The following CLYBL variants were observed in gnomAD, a reference collection of about 807,000 sequenced individuals.
CLYBL encodes the protein citramalyl-CoA lyase.
In CLYBL, 31 loss-of-function variants were observed where a neutral mutation model predicts 38.9. The ratio of observed to expected loss-of-function variants is 0.80; its 90% CI spans 0.60 to 1.08. CLYBL has a LOEUF of 1.08. Among genes scored for constraint, CLYBL ranks in the 50% least tolerant of loss-of-function variants. The pLI is 0.00. For synonymous variants in CLYBL, 171 were observed against 158.6 expected, an observed-to-expected ratio of 1.08 and a Z score of -0.59; for missense variants, 434 against 411.6, an observed-to-expected ratio of 1.05 and a Z score of -0.47.
chr13:99,691,449 G>T (rs2047900843), intron 1 of CLYBL, among the ~76,000 whole-genome samples: 1 of 152,058 alleles, frequency 6.6e-6, no homozygotes, highest in Non-Finnish European at 1.5e-5. Context: ...CTCTGTTGGT[G>T]CTCCCCAAAG....
Position 99,890,894 on chromosome 13 carries a change from A to G in CLYBL, c.928-424A>G, listed in dbSNP as rs549918730. Among the ~76,000 whole-genome samples, 16 of 152,300 alleles carry G rather than the reference A, an allele frequency of 1.1e-4. No individual in the cohort carries two copies. The South Asian group carries it at 3.3e-3, about 32-fold the overall frequency. Reference sequence around the variant, plus strand: ...GTTACCTCTCAATTATGTTACAGCAAGGAGGTAAGATTTTGCCATTAGCCT... The same window carrying G: ...GTTACCTCTCAATTATGTTACAGCAGGGAGGTAAGATTTTGCCATTAGCCT... On this transcript the variant is annotated intron_variant, in intron 7 of 8. Transcript: ENST00000339105.
chr13:99,700,096 G>A (rs538207286), intron 1 of CLYBL, among the ~76,000 whole-genome samples: 2 of 152,258 alleles, frequency 1.3e-5, no homozygotes, highest in African/African-American at 4.8e-5. Context: ...ACAGGCATTA[G>A]CATTCCCATT....
At chr13:99,667,225 C>G (rs1594109445) in intron 1 of CLYBL, among the ~76,000 whole-genome samples, 1 of 152,076 alleles carries the variant, frequency 6.6e-6, no homozygotes, top group Non-Finnish European at 1.5e-5. Flanking sequence ...ACAACAGATT[C>G]TCCACAGAAA....
chr13:99,619,193 G>A (rs2046758078), intron 1 of CLYBL, among the ~76,000 whole-genome samples: 1 of 152,180 alleles, frequency 6.6e-6, no homozygotes, highest in Admixed American at 6.5e-5. Flanking sequence ...GTAGGAAGTG[G>A]TTAAGTCATG....
At chr13:99,801,122 C>G (rs1229046027) in intron 2 of CLYBL, among the ~76,000 whole-genome samples, 2 of 152,138 alleles carry the variant, frequency 1.3e-5, no homozygotes, top group Non-Finnish European at 2.9e-5. Flanking sequence ...TTGAGCTGCT[C>G]TTGGCAACTG....
At chr13:99,839,903 T>C (rs528814229) in intron 2 of CLYBL, among the ~76,000 whole-genome samples, 2 of 152,242 alleles carry the variant, frequency 1.3e-5, no homozygotes, top group Non-Finnish European at 2.9e-5. Flanking sequence ...TATCAAATAC[T>C]TGGTCTTATT....
At chr13:99,724,599 C>T (rs150218701) in intron 1 of CLYBL, among the ~76,000 whole-genome samples, 1 of 152,142 alleles carries the variant, frequency 6.6e-6, no homozygotes, top group East Asian at 1.9e-4. Flanking sequence ...AAGAAACCAG[C>T]TCCTCTCTGC....
chr13:99,745,316 C>T (rs1240849643), intron 1 of CLYBL, among the ~76,000 whole-genome samples: 1 of 152,126 alleles, frequency 6.6e-6, no homozygotes, highest in African/African-American at 2.4e-5. Context: ...AAGTGTTACT[C>T]TCTGAATTTG....
chr13:99,708,059 C>T (rs1385445698), intron 1 of CLYBL, among the ~76,000 whole-genome samples: 1 of 152,194 alleles, frequency 6.6e-6, no homozygotes, highest in Non-Finnish European at 1.5e-5. Context: ...TCTCAGCTCA[C>T]TGCAACTTCC....
At chr13:99,856,734 G>C (rs981728560) in intron 2 of CLYBL, among the ~76,000 whole-genome samples, 1 of 152,014 alleles carries the variant, frequency 6.6e-6, no homozygotes, top group African/African-American at 2.4e-5. Flanking sequence ...TACCTCCTGG[G>C]TTCAAACGAT....
intron 1 of CLYBL, among the ~76,000 whole-genome samples, chr13:99,629,244 C>A (rs554174148): frequency 6.6e-6 from 1 of 152,336 alleles, no homozygotes; most frequent in Non-Finnish European, 1.5e-5. Flanking sequence ...TTTCTGTTCA[C>A]CATCCTAAGA....
chr13:99,800,878 T>TAAA (rs1181483044), intron 2 of CLYBL, among the ~76,000 whole-genome samples: 1 of 127,006 alleles, frequency 7.9e-6, no homozygotes, highest in African/African-American at 3.1e-5. Flanking sequence ...TGTCTCAAAT[T>TAAA]AAAAAACAAC....
At chr13:99,608,348 A>G (rs1297245563) in intron 1 of CLYBL, among the ~76,000 whole-genome samples, 1 of 150,314 alleles carries the variant, frequency 6.7e-6, no homozygotes, top group African/African-American at 2.5e-5. Flanking sequence ...GTTGGGATTA[A>G]AGGCGTGAGC....
intron 1 of CLYBL, among the ~76,000 whole-genome samples, chr13:99,685,383 A>T (rs1037362390): frequency 6.6e-6 from 1 of 152,352 alleles, no homozygotes; most frequent in Non-Finnish European, 1.5e-5. Flanking sequence ...AGAAAAGCCA[A>T]TGTTTCAACA....
At chr13:99,864,691 G>A (rs569741150) in intron 4 of CLYBL, 127 bp from the exon 5 acceptor site, 28 of 683,120 alleles carry the variant, frequency 4.1e-5, no homozygotes, top group East Asian at 2.5e-4. Flanking sequence ...TTTGGGCTGC[G>A]TTTTTAGGAC....
In CLYBL at chr13:99,881,806, C is replaced by T. The variant is rs571092726; in HGVS notation, c.928-9512C>T. 1.1e-4 allele frequency among the ~76,000 whole-genome samples: 17 copies of T among 152,246 alleles called. No homozygotes were observed. The South Asian group carries it at 2.1e-3, about 19-fold the overall frequency. On this transcript the variant is annotated intron_variant, in intron 7 of 8. Transcript: ENST00000339105. Reference sequence around the variant, plus strand: ...GTTATACAAGGACCAAATATCACTGCCTTCAATCCTCCTAACAACTGCTTT... The same window carrying T: ...GTTATACAAGGACCAAATATCACTGTCTTCAATCCTCCTAACAACTGCTTT...
Position 99,835,353 on chromosome 13 carries a change from C to T in CLYBL, c.250-23508C>T, listed in dbSNP as rs76448572. 2.6e-4 allele frequency among the ~76,000 whole-genome samples: 39 copies of T among 152,360 alleles called. No individual in the cohort carries two copies. In the East Asian group the frequency reaches 6.0e-3, roughly 23 times the overall value. ...TCCTCCATGTTCATTCAGAGACCCA[C>T]GTTGCGTCTGCCCTGTTGCTCTGAC... On this transcript the variant is annotated intron_variant, in intron 2 of 8. Coordinates refer to ENST00000339105, the MANE Select transcript of CLYBL (RefSeq NM_206808.5).
intron 7 of CLYBL, among the ~76,000 whole-genome samples, chr13:99,875,125 G>A (rs551783263): frequency 1.3e-5 from 2 of 152,322 alleles, no homozygotes; most frequent in South Asian, 4.1e-4. Flanking sequence ...GCTAAAGACT[G>A]AGGAAGGGGA....
chr13:99,737,467 G>A lies in CLYBL; in HGVS notation c.63-35357G>A, dbSNP rs764621030. Among the ~76,000 whole-genome samples the A allele has an allele frequency of 1.0e-3, 157 of 152,300 alleles. 1 individual carries two copies. The Middle Eastern group carries it at 0.014, about 13-fold the overall frequency. ...TTAAAGAGGTTAAGTAACATGCTTA[G>A]GGTGTCACCAACTCCAGGTGTGCTG... is the stretch of plus-strand genomic sequence containing the variant. On this transcript the variant is annotated intron_variant, in intron 1 of 8. Transcript: ENST00000339105.
Sources: gnomAD v4.1 joint callset for allele counts (sites outside exome capture counted in the v4.1 genomes callset) on GRCh38, gnomAD v4.1.1 for gene constraint, MANE v1.5 for transcripts, NCBI Gene and HGNC (gene_info 2026-07-23, HGNC 2026-07-21) for gene names.